ATRNL1: variants seen among roughly 807,000 people sequenced by gnomAD.
ATRNL1 encodes attractin-like protein 1.
In ATRNL1, 95 loss-of-function variants were observed where a neutral mutation model predicts 182.7. The observed-to-expected ratio is 0.52, with a 90% CI of 0.44 to 0.62. The LOEUF (loss-of-function observed/expected upper bound fraction) is 0.62, where lower values mean the gene tolerates loss of function less well. Among genes scored for constraint, ATRNL1 ranks in the 20% least tolerant of loss-of-function variants. ATRNL1 has a pLI of 0.00. For synonymous variants in ATRNL1, 576 were observed against 568.3 expected (o/e 1.01, Z -0.19); for missense variants, 1,471 against 1,679.5 (o/e 0.88, Z 2.17).
chr10:115,167,365 A>G (rs1202654157), intron 7 of ATRNL1, among the ~76,000 whole-genome samples: 2 of 151,822 alleles, frequency 1.3e-5, no homozygotes, highest in African/African-American at 4.8e-5. Flanking sequence ...ATTTCTCAAG[A>G]TTGTTTTGGC....
chr10:115,816,735 G>A (rs1950175001), intron 27 of ATRNL1, among the ~76,000 whole-genome samples: 1 of 151,994 alleles, frequency 6.6e-6, no homozygotes, highest in Non-Finnish European at 1.5e-5. Context: ...CTTATAAGAT[G>A]TTAAGGTGTT....
At chr10:115,526,519 T>C (rs1453991001) in intron 25 of ATRNL1, among the ~76,000 whole-genome samples, 2 of 152,316 alleles carry the variant, frequency 1.3e-5, no homozygotes, top group South Asian at 2.1e-4. Context: ...CCTTCAAGTA[T>C]TTTCTCTATC....
At chr10:115,184,363 T>C (rs180778549) in intron 8 of ATRNL1, among the ~76,000 whole-genome samples, 16 of 151,188 alleles carry the variant, frequency 1.1e-4, no homozygotes, top group Admixed American at 2.0e-4. Flanking sequence ...TATATATATA[T>C]ACACACACAT....
intron 5 of ATRNL1, among the ~76,000 whole-genome samples, chr10:115,139,488 C>T (rs1296278221): frequency 6.6e-6 from 1 of 152,146 alleles, no homozygotes; most frequent in African/African-American, 2.4e-5. Context: ...CACATGGCGG[C>T]AGACAACAGA....
chr10:115,888,119 G>A (rs1042178653), intron 28 of ATRNL1, among the ~76,000 whole-genome samples: 1 of 152,154 alleles, frequency 6.6e-6, no homozygotes, highest in East Asian at 1.9e-4. Context: ...TCTGTGCCGA[G>A]TTCTCTAAGG....
chr10:115,747,912 T>A (rs143191178), intron 27 of ATRNL1, among the ~76,000 whole-genome samples: 130 of 152,118 alleles, frequency 8.5e-4, no homozygotes, highest in African/African-American at 2.8e-3. Context: ...ACACACTCCA[T>A]TGGCCTTCTT....
rs1847822301 is a variant in ATRNL1, at chr10:115,462,008, C to T, written c.3390C>T (p.Ala1130=). 7 of 1,609,298 alleles carry T rather than the reference C, an allele frequency of 4.3e-6. No homozygotes were observed. The East Asian group carries it at 1.1e-4, about 26-fold the overall frequency. ...AGGAAGATGATCGCCACCATACTGCCATAAACTTTATAGCAAACCCAGAAC... is the reference window on the plus strand; with the variant it reads ...AGGAAGATGATCGCCACCATACTGCTATAAACTTTATAGCAAACCCAGAAC... ...LLQEDDRHHT[A]INFIANPEQS... Residue 1130 remains alanine (A), a synonymous_variant, in exon 22 of 29, where the codon GCC becomes GCT. Transcript: ENST00000355044.
chr10:115,223,882 A>AAT (rs1176351254), intron 9 of ATRNL1, among the ~76,000 whole-genome samples: 23 of 121,376 alleles, frequency 1.9e-4, no homozygotes, highest in African/African-American at 7.3e-4. Context: ...ATGTGTATTT[A>AAT]ATATATGTGT....
chr10:115,849,063 A>T (rs781818386), intron 28 of ATRNL1, among the ~76,000 whole-genome samples: 1 of 152,208 alleles, frequency 6.6e-6, no homozygotes, highest in African/African-American at 2.4e-5. Context: ...AACGTTAGGT[A>T]TTCATGTAAC....
intron 26 of ATRNL1, among the ~76,000 whole-genome samples, chr10:115,705,615 G>C (rs1946872426): frequency 6.6e-6 from 1 of 151,820 alleles, no homozygotes; most frequent in South Asian, 2.1e-4. Context: ...AATTATGCAG[G>C]TACTATAAGA....
chr10:115,780,341 A>G (rs1949232308), intron 27 of ATRNL1, among the ~76,000 whole-genome samples: 1 of 152,190 alleles, frequency 6.6e-6, no homozygotes, highest in African/African-American at 2.4e-5. Context: ...ACCACAGGCT[A>G]AAGTGCTCTG....
intron 26 of ATRNL1, among the ~76,000 whole-genome samples, chr10:115,617,154 T>A (rs1857473001): frequency 6.6e-6 from 1 of 152,234 alleles, no homozygotes; most frequent in African/African-American, 2.4e-5. Flanking sequence ...AGCCCACCTC[T>A]TGCACCAGTG....
chr10:115,508,313 T>G (rs928806210), intron 24 of ATRNL1, among the ~76,000 whole-genome samples: 14 of 151,968 alleles, frequency 9.2e-5, no homozygotes, highest in African/African-American at 3.4e-4. Flanking sequence ...TCCTTTTCAT[T>G]GAGACACAGC....
At chr10:115,897,011 C>T (rs532005782) in intron 28 of ATRNL1, among the ~76,000 whole-genome samples, 1 of 152,214 alleles carries the variant, frequency 6.6e-6, no homozygotes, top group African/African-American at 2.4e-5. Context: ...ATCAAACTAG[C>T]AAATTATTTA....
Position 115,727,241 on chromosome 10 carries a change from C to T in ATRNL1, c.3796-7C>T, listed in dbSNP as rs781833392. The stretch of plus-strand genomic sequence containing the variant: ...TTTTAAGATAAATCATTTTTAACCC[C>T]CTCCAGCAACTGCTTCGAGAACGAC... On this transcript the variant is annotated splice_region_variant and splice_polypyrimidine_tract_variant and intron_variant, in intron 26 of 28. Transcript: ENST00000355044. The T allele has an allele frequency of 2.5e-6, 4 of 1,605,768 alleles. No individual in the cohort carries two copies. The highest frequency in any genetic ancestry group is 1.3e-5 in the African/African-American group (1 of 74,926).
At chr10:115,154,409 A>G (rs1353292174) in intron 5 of ATRNL1, among the ~76,000 whole-genome samples, 1 of 152,110 alleles carries the variant, frequency 6.6e-6, no homozygotes, top group African/African-American at 2.4e-5. Flanking sequence ...TTGGGTGCAT[A>G]TAAATTTAGG....
chr10:115,574,209 T>C (rs2250761), intron 26 of ATRNL1, among the ~76,000 whole-genome samples: 73,704 of 150,518 alleles, frequency 0.49, 19,186 homozygotes, highest in East Asian at 0.84. Flanking sequence ...TATCTATATA[T>C]ACAAATATAA....
rs979627486 is a variant in ATRNL1, at chr10:115,884,973, A to G, written c.4018+36982A>G. Among the ~76,000 whole-genome samples the G allele has an allele frequency of 6.6e-5, 10 of 152,334 alleles. No homozygotes were observed. The South Asian group carries it at 8.3e-4, about 13-fold the overall frequency. ...TAATAAATGCTGATCCAAAAAGTAC[A>G]CATTCCCAAAGATTACCTGATAATT... On this transcript the variant is annotated intron_variant, in intron 28 of 28. Transcript: ENST00000355044.
At chr10:115,473,084 G>A (rs1398235015) in intron 24 of ATRNL1, among the ~76,000 whole-genome samples, 1 of 151,196 alleles carries the variant, frequency 6.6e-6, no homozygotes, top group Non-Finnish European at 1.5e-5. Context: ...TGCTTTTTCA[G>A]CATCTATTGA....
Sources: gnomAD v4.1 joint callset for allele counts (sites outside exome capture counted in the v4.1 genomes callset) on GRCh38, gnomAD v4.1.1 for gene constraint, MANE v1.5 for transcripts, NCBI Gene and HGNC (gene_info 2026-07-23, HGNC 2026-07-21) for gene names.